CLUAP1: variants seen among roughly 807,000 people sequenced by gnomAD.
CLUAP1 encodes the protein intraflagellar transport 38.
CLUAP1 carries 50 observed loss-of-function variants against 55.0 expected under a neutral mutation model. That is an observed-to-expected ratio of 0.91 (90% confidence interval 0.72 to 1.15). The LOEUF (loss-of-function observed/expected upper bound fraction) is 1.15, where lower values mean the gene tolerates loss of function less well. Among genes scored for constraint, CLUAP1 ranks in the 50% most tolerant of loss-of-function variants. The pLI, the probability that CLUAP1 is intolerant of heterozygous loss-of-function variation, is 0.00. For missense variants in CLUAP1, 530 were observed against 507.6 expected (o/e 1.04, Z -0.42); for synonymous variants, 195 against 175.4 (o/e 1.11, Z -0.88).
intron 4 of CLUAP1, among the ~76,000 whole-genome samples, chr16:3,508,956 A>G (rs2037563474): frequency 6.9e-6 from 1 of 143,888 alleles, no homozygotes; most frequent in African/African-American, 2.8e-5. Context: ...AGGGTGTCTC[A>G]GGATGATAAT....
chr16:3,529,666 ATTATTAT>A (rs2038050362), intron 9 of CLUAP1, among the ~76,000 whole-genome samples: 1 of 14,774 alleles, frequency 6.8e-5, no homozygotes, highest in African/African-American at 7.8e-4. Context: ...TATATTATAT[ATTATTAT>A]ATATTATATA....
chr16:3,533,359 T>C (rs965598739), intron 11 of CLUAP1: 19 of 574,100 alleles, frequency 3.3e-5, no homozygotes, highest in Non-Finnish European at 2.2e-5. Context: ...CGGGGAAAGC[T>C]CAGGCCGGGC....
At chr16:3,495,571 G>A in the CLUAP1 span, 1 of 1,467,114 alleles carries the variant, frequency 6.8e-7, no homozygotes, top group Non-Finnish European at 9.1e-7. Context: ...TGGACCCCTA[G>A]TTTGGGAGAG....
Position 3,515,503 on chromosome 16 carries a change from C to T in CLUAP1, c.496-5C>T, listed in dbSNP as rs1018528392. The T allele has an allele frequency of 1.9e-6, 3 of 1,577,136 alleles. No homozygotes were observed. Among genetic ancestry groups the T allele is most frequent in the Admixed American group, 1.9e-5 (1 of 52,316 alleles). The stretch of plus-strand genomic sequence containing the variant: ...ATATACGTAAATGATTTTACTGTTT[C>T]CTAGGAAATGAGAACAGAAGCCATT... On this transcript the variant is annotated splice_polypyrimidine_tract_variant and splice_region_variant and intron_variant, in intron 5 of 11. Coordinates refer to ENST00000576634, the MANE Select transcript of CLUAP1 (RefSeq NM_015041.3).
At chr16:3,529,315 G>C (rs531733487) in intron 9 of CLUAP1, among the ~76,000 whole-genome samples, 15 of 141,392 alleles carry the variant, frequency 1.1e-4, no homozygotes, top group Non-Finnish European at 1.4e-4. Flanking sequence ...AAATAATTCA[G>C]ATCCATGGTT....
At chr16:3,500,450 A>G (rs977866427), upstream of CLUAP1, among the ~76,000 whole-genome samples, 3 of 149,346 alleles carry the variant, frequency 2.0e-5, no homozygotes, top group Non-Finnish European at 4.4e-5. Context: ...GCTCACTGCA[A>G]CCTCTGCCTG....
chr16:3,530,729 C>T, intron 10 of CLUAP1, 54 bp downstream of exon 10: 1 of 1,434,446 alleles, frequency 7.0e-7, no homozygotes. Context: ...TCACAGAACA[C>T]CTGGCCAGGA....
chr16:3,501,105 G>A lies in CLUAP1; in HGVS notation c.22+16G>A, dbSNP rs919462672. 4 of 1,586,570 alleles carry A rather than the reference G, an allele frequency of 2.5e-6. No homozygotes were observed. In the East Asian group the frequency reaches 6.8e-5, roughly 27 times the overall value. Reference sequence around the variant, plus strand: ...GACCTCCGCAGTAAGGCAGCCCCGCGCCCCTGTGACCTGCGGGTCTTCCAG... The same window carrying A: ...GACCTCCGCAGTAAGGCAGCCCCGCACCCCTGTGACCTGCGGGTCTTCCAG... On this transcript the variant is annotated intron_variant, in intron 1 of 11. Coordinates refer to ENST00000576634, the MANE Select transcript of CLUAP1 (RefSeq NM_015041.3).
intron 5 of CLUAP1, among the ~76,000 whole-genome samples, chr16:3,514,987 C>T (rs1051677116): frequency 1.6e-4 from 24 of 152,054 alleles, no homozygotes; most frequent in African/African-American, 5.3e-4. Context: ...TTATCGGTTG[C>T]GTTTGTTAGT....
At chr16:3,534,402 G>C (rs2038190866) in intron 11 of CLUAP1, 1 of 153,074 alleles carries the variant, frequency 6.5e-6, no homozygotes, top group Non-Finnish European at 1.5e-5. Flanking sequence ...TGGTGTGATT[G>C]TGGGTGAGTG....
At chr16:3,521,943 C>T (rs1248749861) in intron 7 of CLUAP1, among the ~76,000 whole-genome samples, 1 of 151,800 alleles carries the variant, frequency 6.6e-6, no homozygotes, top group Non-Finnish European at 1.5e-5. Flanking sequence ...TCTGTAGTCC[C>T]AGCTACTTGG....
chr16:3,522,288 C>A (rs546049426), intron 7 of CLUAP1, among the ~76,000 whole-genome samples: 3 of 151,726 alleles, frequency 2.0e-5, no homozygotes, highest in African/African-American at 7.2e-5. Flanking sequence ...CTCAGCCACC[C>A]GAGTAGCTGG....
At position 3,536,242 on chromosome 16, in the gene CLUAP1, C is replaced by A; in HGVS notation, c.1213C>A (p.Pro405Thr). The A allele has an allele frequency of 1.9e-6, 3 of 1,614,112 alleles. No homozygotes were observed. Among genetic ancestry groups the A allele is most frequent in the Non-Finnish European group, 2.5e-6 (3 of 1,180,030 alleles). ...CAATCGAAGGGTCCGGAAATCTGAA[C>A]CCCTGGATGAGAGTGACAATGACTT... Reference protein sequence around the residue: ...KPNRRVRKSEPLDESDNDF With the variant: ...KPNRRVRKSETLDESDNDF The change falls in exon 12 of 12, where the codon CCC becomes ACC. Residue 405 changes from proline to threonine, a missense_variant. Pro to Thr is a conservative substitution (Grantham distance 38). Coordinates refer to ENST00000576634, the MANE Select transcript of CLUAP1 (RefSeq NM_015041.3).
chr16:3,503,452 T>G (rs1028332170), intron 1 of CLUAP1, among the ~76,000 whole-genome samples: 3 of 152,160 alleles, frequency 2.0e-5, no homozygotes, highest in African/African-American at 7.2e-5. Context: ...CGTGAGCCAC[T>G]GTGCCCGGCA....
chr16:3,535,072 C>A, intron 11 of CLUAP1: 1 of 153,242 alleles, frequency 6.5e-6, no homozygotes, highest in Non-Finnish European at 1.5e-5. Context: ...TGAGGGGCGT[C>A]AGCAGTGAGG....
chr16:3,537,012 A>C lies in CLUAP1; in HGVS notation c.*741A>C, dbSNP rs1431911578. On this transcript the variant is annotated 3_prime_UTR_variant, in exon 12 of 12. Coordinates refer to ENST00000576634, the MANE Select transcript of CLUAP1 (RefSeq NM_015041.3). ...TTTCCACGGTTGGTACTAAATCTGG[A>C]AACTCTGGTGACCTGGGCTGCCCTC... The C allele has an allele frequency of 1.3e-5, 2 of 152,324 alleles. No homozygotes were observed. The highest frequency in any genetic ancestry group is 3.9e-4 in the East Asian group (2 of 5,182). The allele number at this position is 152,324 out of a possible 1,614,324, so 9.4% of individuals were successfully genotyped here. A position where few individuals can be genotyped will look rare whatever the true frequency, so the allele number is the denominator to read the frequency against.
upstream of CLUAP1, among the ~76,000 whole-genome samples, chr16:3,499,263 T>C (rs757585284): frequency 1.1e-4 from 17 of 152,258 alleles, no homozygotes; most frequent in Non-Finnish European, 1.6e-4. Flanking sequence ...GAAAATCGCT[T>C]GAACCCTGGA....
rs555546688 is a variant in CLUAP1 at position 3,506,406 on chromosome 16, C to G, written c.210C>G (p.Ala70=). ...GAGTTTTCTTCATTAAGGCAATTGC[C>G]CAGTTCATGGTTAGTGGACACTTAT... ...QDRVFFIKAI[A]QFMATKAHIK... The change falls in exon 3 of 12, where the codon GCC becomes GCG. Residue 70 remains alanine, a synonymous_variant. Coordinates refer to ENST00000576634, the MANE Select transcript of CLUAP1 (RefSeq NM_015041.3). The G allele has an allele frequency of 1.2e-6, 2 of 1,612,788 alleles. No individual in the cohort carries two copies. The highest frequency in any genetic ancestry group is 1.3e-5 in the African/African-American group (1 of 74,980).
intron 11 of CLUAP1, chr16:3,535,290 A>C (rs1021754879): frequency 5.2e-5 from 8 of 152,420 alleles, no homozygotes; most frequent in African/African-American, 1.9e-4. Flanking sequence ...AGGTGTGGAC[A>C]GTGAGTTCAA....
Sources: gnomAD v4.1 joint callset for allele counts (sites outside exome capture counted in the v4.1 genomes callset) on GRCh38, gnomAD v4.1.1 for gene constraint, MANE v1.5 for transcripts, NCBI Gene and HGNC (gene_info 2026-07-23, HGNC 2026-07-21) for gene names.